Variants in CDC42BPA observed in about 807,000 individuals in gnomAD.
CDC42BPA encodes the protein serine/threonine-protein kinase MRCK alpha.
In CDC42BPA, 80 loss-of-function variants were observed where a neutral mutation model predicts 223.5. The observed-to-expected ratio is 0.36, with a 90% CI of 0.30 to 0.43. CDC42BPA has a LOEUF of 0.43. Among genes scored for constraint, CDC42BPA ranks in the 20% least tolerant of loss-of-function variants. The probability of loss-of-function intolerance (pLI) is 1.00; values close to 1 mark genes in which losing one functional copy is unlikely to be tolerated. For synonymous variants in CDC42BPA, 694 were observed against 718.6 expected (o/e 0.97, Z 0.55); for missense variants, 1,743 against 2,099.9 (o/e 0.83, Z 3.32).
intron 35 of CDC42BPA, among the ~76,000 whole-genome samples, chr1:227,001,690 T>C (rs1238077324): frequency 3.3e-5 from 5 of 152,154 alleles, no homozygotes; most frequent in African/African-American, 1.2e-4. Flanking sequence ...GCAGATTACC[T>C]GAGGTCGGGA....
intron 11 of CDC42BPA, among the ~76,000 whole-genome samples, chr1:227,123,671 A>G (rs1689059460): frequency 6.6e-6 from 1 of 152,256 alleles, no homozygotes; most frequent in African/African-American, 2.4e-5. Flanking sequence ...GACTAGACCC[A>G]GTGGGAGGTT....
At chr1:227,150,482 T>TA (rs1661531275) in intron 6 of CDC42BPA, among the ~76,000 whole-genome samples, 1 of 152,134 alleles carries the variant, frequency 6.6e-6, no homozygotes. Flanking sequence ...TAGTATTACC[T>TA]ACCTACCTAA....
intron 1 of CDC42BPA, among the ~76,000 whole-genome samples, chr1:227,313,617 A>G (rs1052790743): frequency 1.4e-5 from 2 of 145,350 alleles, no homozygotes; most frequent in African/African-American, 5.1e-5. Context: ...TTAAGTGAAC[A>G]TTTTGATAAT....
rs779490680 is a variant in CDC42BPA at position 227,147,515 on chromosome 1, A to G, written c.738T>C (p.Pro246=). The change falls in exon 7 of 37, where the codon CCT becomes CCC. Residue 246 remains proline, a synonymous_variant. Coordinates refer to ENST00000366766, the MANE Select transcript of CDC42BPA (RefSeq NM_001394014.1). Reference sequence around the variant, plus strand: ...CATCTTCCATGGCTTGAAGGATTTCAGGAGAGATATAATCTGGAGTTCCTA... The same window carrying G: ...CATCTTCCATGGCTTGAAGGATTTCGGGAGAGATATAATCTGGAGTTCCTA... ...VAVGTPDYIS[P]EILQAMEDGK... is the part of the protein sequence containing the mutation. 1 of 1,612,842 alleles carries G rather than the reference A, an allele frequency of 6.2e-7. No homozygotes were observed. Among genetic ancestry groups the G allele is most frequent in the East Asian group, 2.2e-5 (1 of 44,772 alleles).
intron 2 of CDC42BPA, among the ~76,000 whole-genome samples, chr1:227,243,922 G>C (rs948852969): frequency 4.0e-5 from 6 of 151,840 alleles, no homozygotes; most frequent in African/African-American, 1.5e-4. Context: ...AGTGATGTGA[G>C]GTGATATGAA....
chr1:227,080,710 G>C (rs972107173), intron 17 of CDC42BPA, among the ~76,000 whole-genome samples, 183 bp downstream of exon 17: 1 of 152,076 alleles, frequency 6.6e-6, no homozygotes, highest in Non-Finnish European at 1.5e-5. Flanking sequence ...GGGAACAGAG[G>C]AATGTAACAG....
intron 5 of CDC42BPA, among the ~76,000 whole-genome samples, chr1:227,167,612 G>A (rs1665267817): frequency 6.6e-6 from 1 of 151,706 alleles, no homozygotes; most frequent in Non-Finnish European, 1.5e-5. Context: ...GCTCTCCTTT[G>A]TACCTCAATG....
intron 15 of CDC42BPA, among the ~76,000 whole-genome samples, chr1:227,099,984 G>A (rs182070363): frequency 1.4e-4 from 21 of 152,186 alleles, no homozygotes; most frequent in Middle Eastern, 3.4e-3. Context: ...ACAACAGTGC[G>A]TCAGATATGG....
chr1:227,315,310 T>C (rs539443772), intron 1 of CDC42BPA, among the ~76,000 whole-genome samples: 1 of 152,150 alleles, frequency 6.6e-6, no homozygotes, highest in Non-Finnish European at 1.5e-5. Context: ...AAAATATATA[T>C]AAATTATTCT....
At chr1:227,301,309 A>G (rs926857605) in intron 1 of CDC42BPA, among the ~76,000 whole-genome samples, 2 of 152,230 alleles carry the variant, frequency 1.3e-5, no homozygotes, top group Non-Finnish European at 2.9e-5. Context: ...CCTCAAAAAG[A>G]AAAACACAAG....
intron 21 of CDC42BPA, among the ~76,000 whole-genome samples, chr1:227,055,689 G>C (rs576875104): frequency 1.2e-4 from 18 of 151,942 alleles, no homozygotes; most frequent in Admixed American, 2.0e-4. Context: ...ATAGCATTAA[G>C]TATAATAATG....
At chr1:227,099,585 G>A (rs1173821243) in intron 15 of CDC42BPA, among the ~76,000 whole-genome samples, 1 of 152,048 alleles carries the variant, frequency 6.6e-6, no homozygotes, top group Non-Finnish European at 1.5e-5. Flanking sequence ...TGACTTACAA[G>A]GCTTTACATG....
chr1:227,076,682 A>G (rs1487013004), intron 17 of CDC42BPA, among the ~76,000 whole-genome samples: 2 of 152,158 alleles, frequency 1.3e-5, no homozygotes, highest in Admixed American at 6.5e-5. Context: ...AATCATTCAA[A>G]TATTTCTTAA....
chr1:227,299,504 A>T (rs75445381), intron 1 of CDC42BPA, among the ~76,000 whole-genome samples: 1 of 152,176 alleles, frequency 6.6e-6, no homozygotes, highest in Non-Finnish European at 1.5e-5. Context: ...AACTGTCATA[A>T]ATATTTCATC....
intron 35 of CDC42BPA, among the ~76,000 whole-genome samples, chr1:227,001,980 A>C (rs1309797663): frequency 1.3e-5 from 2 of 152,298 alleles, no homozygotes; most frequent in Non-Finnish European, 1.5e-5. Context: ...AACAAAACCC[A>C]AAAAAATCCT....
chr1:227,219,564 AAG>A (rs1675468435), intron 2 of CDC42BPA: 1 of 152,226 alleles, frequency 6.6e-6, no homozygotes, highest in Non-Finnish European at 1.5e-5. Flanking sequence ...CATTTCTTAT[AAG>A]AGTTACATAA....
intron 5 of CDC42BPA, 97 bp from the exon 6 acceptor site, chr1:227,160,733 T>C (rs1481543145): frequency 1.5e-6 from 1 of 661,580 alleles, no homozygotes; most frequent in Non-Finnish European, 2.6e-6. Flanking sequence ...CAACTTATTT[T>C]AAAAGTAATA....
Position 227,124,375 on chromosome 1 carries a change from AG to A in CDC42BPA, c.1514-4439del, listed in dbSNP as rs1318003311. ...AGTATCTGGAGGAATGACAGATTGA[AG>A]GTATTTTTTCTTTGGAGGTATATTT... is the stretch of plus-strand genomic sequence containing the variant. On this transcript the variant is annotated intron_variant, in intron 11 of 36. Transcript: ENST00000366766. 3.9e-5 allele frequency among the ~76,000 whole-genome samples: 6 copies of A among 152,270 alleles called. No homozygotes were observed. In the East Asian group the frequency reaches 7.7e-4, roughly 20 times the overall value.
At chr1:227,273,819 T>C (rs1400436130) in intron 1 of CDC42BPA, among the ~76,000 whole-genome samples, 1 of 147,196 alleles carries the variant, frequency 6.8e-6, no homozygotes, top group Non-Finnish European at 1.5e-5. Flanking sequence ...GTAGGAATTC[T>C]CAGATAAGCA....
Sources: allele counts gnomAD v4.1 joint callset (sites outside exome capture counted in the v4.1 genomes callset), GRCh38; gene constraint gnomAD v4.1.1; transcripts MANE v1.5; gene names NCBI Gene and HGNC (gene_info 2026-07-23, HGNC 2026-07-21).